Variants in RAB30 observed in about 807,000 individuals in gnomAD.
RAB30 encodes the protein ras-related protein Rab-30.
RAB30 carries 9 observed loss-of-function variants against 25.1 expected under a neutral mutation model. The observed-to-expected ratio is 0.36, with a 90% confidence interval of 0.22 to 0.63. RAB30 has a LOEUF of 0.63. Ranked by LOEUF, RAB30 falls within the 20% of genes least tolerant of loss-of-function variation. The pLI is 0.69. For synonymous variants in RAB30, 77 were observed against 86.4 expected (o/e 0.89, Z 0.60); for missense variants, 140 against 243.5 (o/e 0.58, Z 2.83).
intron 1 of RAB30, among the ~76,000 whole-genome samples, chr11:83,051,692 A>C (rs1858361073): frequency 6.6e-6 from 1 of 152,032 alleles, no homozygotes; most frequent in African/African-American, 2.4e-5. Context: ...GTTAAAAAAA[A>C]AAAACAAAAA....
rs1590830057 is a variant in RAB30 at position 82,981,059 on chromosome 11, TATC to T, written c.*1103_*1105del. The T allele has an allele frequency of 6.6e-6, 1 of 152,310 alleles. No individual in the cohort carries two copies. The highest frequency in any genetic ancestry group is 1.9e-4 in the East Asian group (1 of 5,188). 9.4% of individuals were successfully genotyped at this position (152,310 alleles called of 1,614,324 possible). A position where few individuals can be genotyped will look rare whatever the true frequency, so the allele number is the denominator to read the frequency against. ...CTTTTCATCTGTTGCTATTCTCACTTATCATACTAAAAAATCTACAAAATCCTA... is the reference window on the plus strand; with the variant it reads ...CTTTTCATCTGTTGCTATTCTCACTTATACTAAAAAATCTACAAAATCCTA... On this transcript the variant is annotated 3_prime_UTR_variant, in exon 5 of 5. Transcript: ENST00000527633.
chr11:83,031,661 G>T (rs1353445067), intron 1 of RAB30, among the ~76,000 whole-genome samples: 1 of 151,994 alleles, frequency 6.6e-6, no homozygotes, highest in Non-Finnish European at 1.5e-5. Context: ...CAGAGTAGCT[G>T]GGATTATAGG....
chr11:83,052,361 C>A (rs1212835118), intron 1 of RAB30, among the ~76,000 whole-genome samples: 1 of 152,194 alleles, frequency 6.6e-6, no homozygotes, highest in Non-Finnish European at 1.5e-5. Context: ...AAGACTTAAG[C>A]TCTGATCTCC....
At chr11:83,035,312 T>G (rs1439717834) in intron 1 of RAB30, 1 of 152,138 alleles carries the variant, frequency 6.6e-6, no homozygotes, top group Non-Finnish European at 1.5e-5. Flanking sequence ...CAGCAGGTAA[T>G]GCATATTCCA....
intron 1 of RAB30, among the ~76,000 whole-genome samples, chr11:83,045,400 G>A (rs1281792995): frequency 6.6e-6 from 1 of 152,028 alleles, no homozygotes; most frequent in Non-Finnish European, 1.5e-5. Context: ...CAAAGTGCTA[G>A]CATTACAGGC....
chr11:83,007,710 G>T (rs767293808), intron 1 of RAB30, among the ~76,000 whole-genome samples: 12 of 152,192 alleles, frequency 7.9e-5, no homozygotes, highest in South Asian at 2.1e-4. Context: ...CCCCAGGCGG[G>T]GCTAATTTGT....
intron 1 of RAB30, among the ~76,000 whole-genome samples, chr11:83,008,596 G>GC (rs1490559041): frequency 6.6e-6 from 1 of 152,134 alleles, no homozygotes; most frequent in African/African-American, 2.4e-5. Flanking sequence ...GTTTTCCAGT[G>GC]CATTATCCTG....
rs1410759205 is a variant in RAB30, at chr11:82,978,051, C to A, written c.*4114G>T. 6.6e-6 allele frequency: 1 copy of A among 152,168 alleles called. No individual in the cohort carries two copies. The highest frequency in any genetic ancestry group is 1.5e-5 in the Non-Finnish European group (1 of 68,030). The allele number at this position is 152,168 out of a possible 1,614,324, so 9.4% of individuals were successfully genotyped here. Reference sequence around the variant, plus strand: ...CCCTTATCCCAAAATTAGTGTTTAACCATGCTGCTTAAATGGAACACATTT... The same window carrying A: ...CCCTTATCCCAAAATTAGTGTTTAAACATGCTGCTTAAATGGAACACATTT... On this transcript the variant is annotated 3_prime_UTR_variant, in exon 5 of 5. Coordinates refer to ENST00000527633, the MANE Select transcript of RAB30 (RefSeq NM_001286060.2).
chr11:83,048,282 C>G (rs1467093064), intron 1 of RAB30, among the ~76,000 whole-genome samples: 2 of 152,006 alleles, frequency 1.3e-5, no homozygotes, highest in Non-Finnish European at 2.9e-5. Flanking sequence ...GAGTTCGAGA[C>G]CAGCCTGGGC....
chr11:82,991,267 G>C (rs1176538950), intron 3 of RAB30, among the ~76,000 whole-genome samples: 1 of 152,170 alleles, frequency 6.6e-6, no homozygotes. Context: ...CACTGTGGGA[G>C]GCTGAGGCAG....
intron 1 of RAB30, among the ~76,000 whole-genome samples, chr11:83,016,082 G>A (rs1857430301): frequency 6.6e-6 from 1 of 152,176 alleles, no homozygotes; most frequent in African/African-American, 2.4e-5. Context: ...AGGATGCAGT[G>A]AGCTCTGATC....
At chr11:83,003,530 C>T (rs750183869) in intron 1 of RAB30, among the ~76,000 whole-genome samples, 4 of 152,176 alleles carry the variant, frequency 2.6e-5, no homozygotes, top group African/African-American at 9.7e-5. Context: ...TCAAGCGATT[C>T]TCCTGCCTCA....
At position 82,993,925 on chromosome 11, in the gene RAB30, C is replaced by T. The variant is rs3793986; in HGVS notation, c.177+114G>A. 3.7e-6 allele frequency: 3 copies of T among 803,174 alleles called. No individual in the cohort carries two copies. In the South Asian group the frequency reaches 5.8e-5, roughly 16 times the overall value. 49.8% of individuals were successfully genotyped at this position (803,174 alleles called of 1,614,324 possible). On this transcript the variant is annotated intron_variant, in intron 3 of 4. Transcript: ENST00000527633. ...GGAAATAAGCCATTATGGCTGAGTG[C>T]ATTGTTTCCATGTGGGTTTCAATTA...
intron 1 of RAB30, among the ~76,000 whole-genome samples, chr11:83,043,109 C>G (rs951148177): frequency 6.6e-6 from 1 of 152,208 alleles, no homozygotes; most frequent in African/African-American, 2.4e-5. Context: ...TCAAGAGGAG[C>G]ATGTGACTTG....
chr11:82,985,273 C>T (rs1459927314), intron 4 of RAB30, among the ~76,000 whole-genome samples: 2 of 152,106 alleles, frequency 1.3e-5, no homozygotes, highest in Non-Finnish European at 2.9e-5. Context: ...CCCATCAAAT[C>T]TATTTAAATC....
intron 1 of RAB30, among the ~76,000 whole-genome samples, chr11:83,049,541 C>T (rs964230011): frequency 3.3e-5 from 5 of 150,446 alleles, no homozygotes; most frequent in South Asian, 2.1e-4. Context: ...GGTTCAGTGG[C>T]GTGATCATAG....
chr11:83,056,489 C>T (rs978703731), intron 1 of RAB30, among the ~76,000 whole-genome samples: 1 of 152,128 alleles, frequency 6.6e-6, no homozygotes, highest in South Asian at 2.1e-4. Flanking sequence ...TAGGTGAACG[C>T]CTTAATCATA....
intron 4 of RAB30, among the ~76,000 whole-genome samples, chr11:82,984,566 G>A (rs979614190): frequency 1.3e-5 from 2 of 152,170 alleles, no homozygotes; most frequent in Non-Finnish European, 1.5e-5. Flanking sequence ...GTGGTCTACG[G>A]TAGTCTTGTG....
intron 1 of RAB30, among the ~76,000 whole-genome samples, chr11:83,043,937 C>T (rs969596278): frequency 6.6e-6 from 1 of 151,928 alleles, no homozygotes; most frequent in Non-Finnish European, 1.5e-5. Context: ...TGCAGTAAAC[C>T]AGGGTTATAT....
Sources: gnomAD v4.1 joint callset for allele counts (sites outside exome capture counted in the v4.1 genomes callset) on GRCh38, gnomAD v4.1.1 for gene constraint, MANE v1.5 for transcripts, NCBI Gene and HGNC (gene_info 2026-07-23, HGNC 2026-07-21) for gene names.